The following CDH13 variants were observed in gnomAD, a reference collection of about 807,000 sequenced individuals.
CDH13 encodes the protein cadherin-13.
CDH13 carries 24 observed loss-of-function variants against 63.8 expected under a neutral mutation model. The ratio of observed to expected loss-of-function variants is 0.38; its 90% confidence interval spans 0.27 to 0.53. CDH13 has a LOEUF of 0.53. Ranked by LOEUF, CDH13 falls within the 20% of genes least tolerant of loss-of-function variation. CDH13 has a pLI of 0.85. For missense variants in CDH13, 1,049 were observed against 903.1 expected (o/e 1.16, Z -2.07); for synonymous variants, 503 against 355.3 (o/e 1.42, Z -4.67).
At chr16:82,825,402 C>A (rs2070125229) in intron 1 of CDH13, 1 of 151,992 alleles carries the variant, frequency 6.6e-6, no homozygotes, top group Non-Finnish European at 1.5e-5. Flanking sequence ...TTTCTAGTAG[C>A]AAAGTACCTC....
At chr16:83,213,957 T>A (rs1206353720) in intron 4 of CDH13, among the ~76,000 whole-genome samples, 2 of 152,000 alleles carry the variant, frequency 1.3e-5, no homozygotes, top group East Asian at 3.9e-4. Context: ...GCTAGAGGTT[T>A]GTAAAATGGA....
intron 5 of CDH13, among the ~76,000 whole-genome samples, chr16:83,276,712 T>TA (rs1423307883): frequency 6.6e-6 from 1 of 151,756 alleles, no homozygotes; most frequent in South Asian, 2.1e-4. Flanking sequence ...CTACTAAAAA[T>TA]ACAAAAAAAT....
intron 3 of CDH13, among the ~76,000 whole-genome samples, chr16:83,043,633 C>A (rs1053536159): frequency 1.3e-5 from 2 of 151,800 alleles, no homozygotes; most frequent in Admixed American, 6.6e-5. Flanking sequence ...CCAAGGCAGG[C>A]GGATCACTTG....
rs2039569096 is a variant in CDH13 at position 82,853,337 on chromosome 16, G to A, written c.46-5025G>A. 1.3e-5 allele frequency among the ~76,000 whole-genome samples: 2 copies of A among 152,122 alleles called. 1 individual carries two copies. The highest frequency in any genetic ancestry group is 4.8e-5 in the African/African-American group (2 of 41,408). On this transcript the variant is annotated intron_variant, in intron 1 of 13. Transcript: ENST00000567109. ...GTAACAACAAAAGTAATAATATGTT[G>A]GTAATAGTTTGTCAATGTCTACCCT...
intron 6 of CDH13, among the ~76,000 whole-genome samples, chr16:83,475,221 C>A (rs2073570922): frequency 6.6e-6 from 1 of 152,246 alleles, no homozygotes; most frequent in South Asian, 2.1e-4. Flanking sequence ...GTCACACGTT[C>A]ATGAAGTCCA....
chr16:82,849,715 T>A (rs1410181021), intron 1 of CDH13, among the ~76,000 whole-genome samples: 1 of 152,190 alleles, frequency 6.6e-6, no homozygotes, highest in Non-Finnish European at 1.5e-5. Flanking sequence ...ACAAGCAAAC[T>A]CTTTTGTCTG....
At chr16:83,683,622 G>C (rs985974260) in intron 10 of CDH13, among the ~76,000 whole-genome samples, 1 of 152,094 alleles carries the variant, frequency 6.6e-6, no homozygotes, top group Admixed American at 6.6e-5. Context: ...TTATTCCCTT[G>C]TTGTTGACTA....
chr16:83,516,605 G>A (rs975816688), intron 7 of CDH13, among the ~76,000 whole-genome samples: 1 of 152,166 alleles, frequency 6.6e-6, no homozygotes, highest in East Asian at 1.9e-4. Context: ...CCCTTATCAT[G>A]TTGAGGAGAA....
At chr16:82,983,369 T>G (rs1005625359) in intron 2 of CDH13, among the ~76,000 whole-genome samples, 1 of 152,116 alleles carries the variant, frequency 6.6e-6, no homozygotes, top group Non-Finnish European at 1.5e-5. Context: ...TAATAATTGG[T>G]CTTCAATTTT....
At chr16:83,079,208 C>T (rs1434627172) in intron 3 of CDH13, among the ~76,000 whole-genome samples, 2 of 152,210 alleles carry the variant, frequency 1.3e-5, no homozygotes, top group African/African-American at 4.8e-5. Context: ...ACAGGGGCTA[C>T]TCAGCTATAC....
At chr16:83,134,229 G>T (rs766212802) in intron 4 of CDH13, among the ~76,000 whole-genome samples, 5 of 152,088 alleles carry the variant, frequency 3.3e-5, no homozygotes, top group Non-Finnish European at 7.3e-5. Context: ...GTCTCGCTCT[G>T]TCGCCCGGGC....
chr16:83,552,223 G>A (rs779773191), intron 7 of CDH13, among the ~76,000 whole-genome samples: 17 of 152,186 alleles, frequency 1.1e-4, no homozygotes, highest in Non-Finnish European at 2.2e-4. Flanking sequence ...ACCTAGTTGG[G>A]CGTATTCTCT....
intron 1 of CDH13, among the ~76,000 whole-genome samples, chr16:82,773,956 T>C (rs1222523240): frequency 6.6e-6 from 1 of 152,050 alleles, no homozygotes; most frequent in African/African-American, 2.4e-5. Flanking sequence ...GCTGATTTTT[T>C]GTGTTTTTGG....
At chr16:83,308,236 C>G (rs1002798225) in intron 5 of CDH13, among the ~76,000 whole-genome samples, 1 of 152,210 alleles carries the variant, frequency 6.6e-6, no homozygotes, top group African/African-American at 2.4e-5. Context: ...TAGCCTTCAT[C>G]TTTCCAAACA....
intron 8 of CDH13, among the ~76,000 whole-genome samples, chr16:83,622,265 A>C (rs973430036): frequency 4.6e-5 from 7 of 152,210 alleles, no homozygotes; most frequent in African/African-American, 1.7e-4. Flanking sequence ...GTGGTGGGGC[A>C]GGAATGTGAG....
chr16:82,892,954 T>C (rs924364594), intron 2 of CDH13, among the ~76,000 whole-genome samples: 2 of 152,238 alleles, frequency 1.3e-5, no homozygotes, highest in African/African-American at 4.8e-5. Context: ...AAGACAAAGT[T>C]TGTAAAAAAA....
chr16:82,693,437 C>A (rs1915825882), intron 1 of CDH13, among the ~76,000 whole-genome samples: 1 of 152,214 alleles, frequency 6.6e-6, no homozygotes, highest in South Asian at 2.1e-4. Flanking sequence ...AAAGCAACAT[C>A]CTCAGGAAGA....
intron 2 of CDH13, among the ~76,000 whole-genome samples, chr16:82,976,289 T>C (rs935321375): frequency 6.6e-6 from 1 of 152,130 alleles, no homozygotes; most frequent in African/African-American, 2.4e-5. Flanking sequence ...CTCTGAAGCC[T>C]TCTTTGACGT....
At chr16:83,295,847 G>T (rs1357746618) in intron 5 of CDH13, among the ~76,000 whole-genome samples, 1 of 152,080 alleles carries the variant, frequency 6.6e-6, no homozygotes, top group Non-Finnish European at 1.5e-5. Flanking sequence ...ACATCAATAT[G>T]TCAAAGAGAC....
Sources: gnomAD v4.1 joint callset for allele counts (sites outside exome capture counted in the v4.1 genomes callset) on GRCh38, gnomAD v4.1.1 for gene constraint, MANE v1.5 for transcripts, NCBI Gene and HGNC (gene_info 2026-07-23, HGNC 2026-07-21) for gene names.